The following APBB2 variants were observed in gnomAD, a reference collection of about 807,000 sequenced individuals.
The protein encoded by APBB2 is Fe65-like 1.
In APBB2, 38 loss-of-function variants were observed where a neutral mutation model predicts 82.5. The ratio of observed to expected loss-of-function variants is 0.46; its 90% confidence interval spans 0.36 to 0.60. The LOEUF (loss-of-function observed/expected upper bound fraction) is 0.60, where lower values mean the gene tolerates loss of function less well. Ranked by LOEUF, APBB2 falls within the 20% of genes least tolerant of loss-of-function variation. The pLI is 0.00. For missense variants in APBB2, 772 were observed against 972.3 expected (o/e 0.79, Z 2.74); for synonymous variants, 341 against 368.2 (o/e 0.93, Z 0.85).
At chr4:41,199,801 C>T (rs116454204) in intron 1 of APBB2, among the ~76,000 whole-genome samples, 1,856 of 152,174 alleles carry the variant, frequency 0.012, 60 homozygotes, top group African/African-American at 0.042. Context: ...ACTGTTCTTC[C>T]GGTGTCTAGT....
intron 12 of APBB2, among the ~76,000 whole-genome samples, chr4:40,851,740 T>TA (rs1560700519): frequency 0.02 from 793 of 39,640 alleles, 6 homozygotes; most frequent in East Asian, 0.052. Context: ...ATATATATAT[T>TA]TTTTTTTTTT....
At position 41,013,955 on chromosome 4, in the gene APBB2, G is replaced by C; in HGVS notation, c.463C>G (p.Pro155Ala). 1 of 1,614,198 alleles carries C rather than the reference G, an allele frequency of 6.2e-7. No homozygotes were observed. The highest frequency in any genetic ancestry group is 8.5e-7 in the Non-Finnish European group (1 of 1,180,042). The change falls in exon 6 of 18, where the codon CCC becomes GCC. Residue 155 changes from proline (P) to alanine (A), a missense_variant. Physicochemically the swap from Pro to Ala is conservative, Grantham distance 27. Transcript: ENST00000508593. ...SSSCEILPSQ[P>A]RRTKSFLNYY... ...TTTAGGAAGCTCTTAGTTCTCCTGG[G>C]CTGGGAGGGTAAAATCTCACAGCTC...
At chr4:41,185,772 C>T (rs145119248) in intron 1 of APBB2, among the ~76,000 whole-genome samples, 1 of 152,164 alleles carries the variant, frequency 6.6e-6, no homozygotes, top group Non-Finnish European at 1.5e-5. Flanking sequence ...TACCTGGTCA[C>T]GTACTTCATG....
intron 3 of APBB2, among the ~76,000 whole-genome samples, chr4:41,095,907 A>C (rs1743308990): frequency 6.6e-6 from 1 of 152,184 alleles, no homozygotes; most frequent in Admixed American, 6.5e-5. Context: ...CTAGCATGGC[A>C]CATGTGTGAC....
chr4:40,880,900 G>A (rs1348198206), intron 12 of APBB2: 4 of 984,840 alleles, frequency 4.1e-6, no homozygotes, highest in Non-Finnish European at 4.8e-6. Context: ...TATTTCTCAG[G>A]AGAAACTGTC....
At chr4:40,961,082 C>T (rs918071351) in intron 6 of APBB2, among the ~76,000 whole-genome samples, 5 of 152,092 alleles carry the variant, frequency 3.3e-5, no homozygotes, top group Non-Finnish European at 7.3e-5. Context: ...AAATTTGGTT[C>T]CTGAGGTCTT....
intron 1 of APBB2, among the ~76,000 whole-genome samples, chr4:41,185,841 T>C (rs1772748072): frequency 6.6e-6 from 1 of 152,256 alleles, no homozygotes; most frequent in Non-Finnish European, 1.5e-5. Flanking sequence ...AGGAGTGTTG[T>C]GTGTGTTTGG....
At chr4:40,901,254 C>G (rs1251787470) in intron 10 of APBB2, among the ~76,000 whole-genome samples, 1 of 152,206 alleles carries the variant, frequency 6.6e-6, no homozygotes, top group Non-Finnish European at 1.5e-5. Context: ...AAGAATCTTG[C>G]AAAGGGCCTG....
At chr4:40,917,646 G>T (rs1042113505) in intron 10 of APBB2, among the ~76,000 whole-genome samples, 6 of 152,228 alleles carry the variant, frequency 3.9e-5, no homozygotes, top group Non-Finnish European at 8.8e-5. Flanking sequence ...GGTAGAGGGA[G>T]TTGAGGTCAA....
At chr4:41,083,985 A>G (rs1200820788) in intron 3 of APBB2, among the ~76,000 whole-genome samples, 1 of 152,200 alleles carries the variant, frequency 6.6e-6, no homozygotes, top group Non-Finnish European at 1.5e-5. Flanking sequence ...TAAAGATATT[A>G]AAATGTGAAA....
rs1214506470 is a variant in APBB2, at chr4:41,014,076, C to A, written c.342G>T (p.Gly114=). ...TCAGGTTTTTGTTGGGGTCCTGCTG[C>A]CCTTGCTCTGCAGCCTTACGGAGCT... ...ENQLRKAAEQ[G]QQDPNKNLSP... Residue 114 remains glycine (G), a synonymous_variant, in exon 6 of 18, where the codon GGG becomes GGT. Coordinates refer to ENST00000508593, the MANE Select transcript of APBB2 (RefSeq NM_004307.2). The A allele has an allele frequency of 6.2e-7, 1 of 1,614,200 alleles. No individual in the cohort carries two copies.
At chr4:40,837,028 G>GTT (rs1330107797) in intron 12 of APBB2, among the ~76,000 whole-genome samples, 1 of 152,186 alleles carries the variant, frequency 6.6e-6, no homozygotes, top group East Asian at 1.9e-4. Context: ...GTGGTCATAC[G>GTT]TAAGAGCAAC....
At chr4:41,171,117 C>G (rs757480005) in intron 1 of APBB2, among the ~76,000 whole-genome samples, 1 of 152,182 alleles carries the variant, frequency 6.6e-6, no homozygotes, top group Non-Finnish European at 1.5e-5. Context: ...GTCTAGACCC[C>G]CTCCCAGCTC....
At chr4:40,960,144 C>T (rs1341976628) in intron 6 of APBB2, among the ~76,000 whole-genome samples, 3 of 151,964 alleles carry the variant, frequency 2.0e-5, no homozygotes, top group Non-Finnish European at 2.9e-5. Context: ...GGATTTTAGA[C>T]TATGGATGGG....
intron 4 of APBB2, among the ~76,000 whole-genome samples, chr4:41,039,896 C>G (rs527892119): frequency 6.6e-6 from 1 of 151,134 alleles, no homozygotes; most frequent in South Asian, 2.1e-4. Context: ...CTCACCCATA[C>G]TTGTTTCCTC....
chr4:40,982,221 G>GAAAAGAAAGAAAGAAA (rs766666523), intron 6 of APBB2, among the ~76,000 whole-genome samples: 149 of 12,898 alleles, frequency 0.012, 36 homozygotes, highest in South Asian at 0.023. Flanking sequence ...AGAAAAGAAA[G>GAAAAGAAAGAAAGAAA]GAAAGAAAGA....
intron 6 of APBB2, among the ~76,000 whole-genome samples, chr4:40,979,766 C>A (rs1004219496): frequency 6.6e-6 from 1 of 152,148 alleles, no homozygotes; most frequent in Non-Finnish European, 1.5e-5. Flanking sequence ...ATTCTGCCGA[C>A]AAGTGTGCTT....
In APBB2 at chr4:41,013,673, G is replaced by A. The variant is rs768003818; in HGVS notation, c.745C>T (p.Arg249Trp). The A allele has an allele frequency of 1.6e-5, 26 of 1,614,054 alleles. No individual in the cohort carries two copies. Among genetic ancestry groups the A allele is most frequent in the Admixed American group, 3.3e-5 (2 of 60,002 alleles). Residue 249 changes from arginine to tryptophan, a missense_variant, in exon 6 of 18, where the codon CGG (arginine) becomes TGG (tryptophan). Coordinates refer to ENST00000508593, the MANE Select transcript of APBB2 (RefSeq NM_004307.2). ...TGAKTDCALH[R>W]IQNLAPSDEE... ...TCGCTCGGTGCCAGGTTCTGGATCC[G>A]GTGCAGTGCACAGTCGGTTTTGGCC...
At chr4:40,941,380 C>G (rs1050800754) in intron 7 of APBB2, among the ~76,000 whole-genome samples, 2 of 152,126 alleles carry the variant, frequency 1.3e-5, no homozygotes, top group African/African-American at 4.8e-5. Context: ...CTAGAAGGCT[C>G]CATATGTGAC....
Sources: gnomAD v4.1 joint callset for allele counts (sites outside exome capture counted in the v4.1 genomes callset) on GRCh38, gnomAD v4.1.1 for gene constraint, MANE v1.5 for transcripts, NCBI Gene and HGNC (gene_info 2026-07-23, HGNC 2026-07-21) for gene names.